AS3MT: variants seen among roughly 807,000 people sequenced by gnomAD.
The protein encoded by AS3MT is S-adenosyl-L-methionine:arsenic(III) methyltransferase.
AS3MT carries 47 observed loss-of-function variants against 45.3 expected under a neutral mutation model. That is an observed-to-expected ratio of 1.04 (90% CI 0.82 to 1.32). AS3MT has a LOEUF of 1.32. Ranked by LOEUF, AS3MT falls within the 40% of genes most tolerant of loss-of-function variation. AS3MT has a pLI of 0.00. For missense variants in AS3MT, 396 were observed against 451.1 expected (o/e 0.88, Z 1.11); for synonymous variants, 141 against 152.8 (o/e 0.92, Z 0.57).
At chr10:102,896,883 T>G (rs1845182320) in intron 10 of AS3MT, among the ~76,000 whole-genome samples, 1 of 152,120 alleles carries the variant, frequency 6.6e-6, no homozygotes, top group Admixed American at 6.6e-5. Context: ...CTGACTCTTC[T>G]GTTGTTCGAA....
intron 10 of AS3MT, among the ~76,000 whole-genome samples, chr10:102,895,748 C>T (rs925714954): frequency 6.6e-6 from 1 of 150,822 alleles, no homozygotes; most frequent in East Asian, 2.0e-4. Context: ...AAAACAAAAA[C>T]AAATAAACAA....
At chr10:102,883,114 T>C (rs1226471859) in intron 9 of AS3MT, among the ~76,000 whole-genome samples, 1 of 150,842 alleles carries the variant, frequency 6.6e-6, no homozygotes, top group Non-Finnish European at 1.5e-5. Flanking sequence ...GGTTTTTTTT[T>C]TTTTGAGATG....
Position 102,900,854 on chromosome 10 carries a change from CAGG to C in AS3MT, c.*155_*157del. 3.6e-6 allele frequency: 2 copies of C among 550,150 alleles called. No homozygotes were observed. Among genetic ancestry groups the C allele is most frequent in the African/African-American group, 1.9e-5 (1 of 52,686 alleles). 34.1% of individuals were successfully genotyped at this position (550,150 alleles called of 1,614,324 possible). ...ATCCCAGCACTTTGGGAGGCCGAGG[CAGG>C]CAGATCACCTGAGGTCAGGAGTTTG... On this transcript the variant is annotated 3_prime_UTR_variant, in exon 11 of 11. Coordinates refer to ENST00000369880, the MANE Select transcript of AS3MT (RefSeq NM_020682.4).
chr10:102,899,669 CT>C (rs538296715), intron 10 of AS3MT, among the ~76,000 whole-genome samples: 1,933 of 135,098 alleles, frequency 0.014, 10 homozygotes, highest in Non-Finnish European at 0.018. Flanking sequence ...CATGTTCATG[CT>C]TTTTTTTTTT....
intron 9 of AS3MT, among the ~76,000 whole-genome samples, chr10:102,879,563 C>T (rs1037558592): frequency 2.6e-5 from 4 of 151,756 alleles, no homozygotes; most frequent in East Asian, 3.9e-4. Context: ...GTCAGGAGTT[C>T]GAGACCAGCC....
At chr10:102,876,445 T>G (rs1207372642) in intron 6 of AS3MT, among the ~76,000 whole-genome samples, 1 of 151,698 alleles carries the variant, frequency 6.6e-6, no homozygotes, top group Non-Finnish European at 1.5e-5. Flanking sequence ...CCAGCTAGTT[T>G]TTAAATTTCT....
chr10:102,898,659 C>T (rs1040325260), intron 10 of AS3MT, among the ~76,000 whole-genome samples: 1 of 152,126 alleles, frequency 6.6e-6, no homozygotes, highest in Non-Finnish European at 1.5e-5. Context: ...TATGGACTGT[C>T]TTAATAGTAA....
chr10:102,891,758 G>C (rs1845073913), intron 10 of AS3MT, among the ~76,000 whole-genome samples: 1 of 151,896 alleles, frequency 6.6e-6, no homozygotes, highest in African/African-American at 2.4e-5. Flanking sequence ...CACCAGCCTG[G>C]GTAACATGTT....
intron 10 of AS3MT, 92 bp downstream of exon 10, chr10:102,890,770 G>A (rs1845057200): frequency 7.7e-7 from 1 of 1,301,068 alleles, no homozygotes; most frequent in South Asian, 1.5e-5. Flanking sequence ...GAGTGCAGTG[G>A]TGTGATCTTG....
At chr10:102,873,497 G>A (rs1844729861) in intron 5 of AS3MT, among the ~76,000 whole-genome samples, 1 of 152,062 alleles carries the variant, frequency 6.6e-6, no homozygotes, top group African/African-American at 2.4e-5. Context: ...TGTTGGCCAG[G>A]CTGGTCTCAA....
chr10:102,873,395 C>T (rs1169735752), intron 5 of AS3MT, among the ~76,000 whole-genome samples, 162 bp downstream of exon 5: 2 of 152,074 alleles, frequency 1.3e-5, no homozygotes, highest in African/African-American at 2.4e-5. Flanking sequence ...ATTCTCTTGC[C>T]TCAGCCTCTC....
chr10:102,869,472 A>AGGAGCTGGCTGCG lies in AS3MT; in HGVS notation c.-115_-103dup. On this transcript the variant is annotated 5_prime_UTR_variant, in exon 1 of 11. Coordinates refer to ENST00000369880, the MANE Select transcript of AS3MT (RefSeq NM_020682.4). ...GCCAGCCTGGGCGGGGCCTCGGCAC[A>AGGAGCTGGCTGCG]GGAGCTGGCTGCGGGAGCCCGCCGT... The AGGAGCTGGCTGCG allele has an allele frequency of 6.5e-7, 1 of 1,532,388 alleles. No homozygotes were observed. Among genetic ancestry groups the AGGAGCTGGCTGCG allele is most frequent in the Non-Finnish European group, 8.7e-7 (1 of 1,145,934 alleles). The allele number at this position is 1,532,388 out of a possible 1,614,324, so 94.9% of individuals were successfully genotyped here.
Position 102,878,464 on chromosome 10 carries a change from T to A in AS3MT, c.696T>A (p.Thr232=). 6.2e-7 allele frequency: 1 copy of A among 1,614,134 alleles called. No individual in the cohort carries two copies. Among genetic ancestry groups the A allele is most frequent in the Non-Finnish European group, 8.5e-7 (1 of 1,180,016 alleles). Reference sequence around the variant, plus strand: ...GGTTCTGCCCTCCACGTTTGGTCACTGCCAATCTCATTACAATTCAAAACA... The same window carrying A: ...GGTTCTGCCCTCCACGTTTGGTCACAGCCAATCTCATTACAATTCAAAACA... ...KIGFCPPRLV[T]ANLITIQNKE... Residue 232 remains threonine, a synonymous_variant, in exon 8 of 11, where the codon ACT becomes ACA. Transcript: ENST00000369880.
At chr10:102,885,996 G>C (rs1171318762) in intron 9 of AS3MT, among the ~76,000 whole-genome samples, 1 of 152,048 alleles carries the variant, frequency 6.6e-6, no homozygotes, top group African/African-American at 2.4e-5. Flanking sequence ...AGTCTGAATA[G>C]TATTCCAGTG....
chr10:102,870,005 G>T, intron 2 of AS3MT, 79 bp from the exon 3 acceptor site: 1 of 1,577,080 alleles, frequency 6.3e-7, no homozygotes, highest in Non-Finnish European at 8.6e-7. Context: ...GGAGGTGGAG[G>T]TGGTGACGGA....
intron 2 of AS3MT, 50 bp downstream of exon 2, chr10:102,869,895 A>G (rs778949095): frequency 8.7e-6 from 14 of 1,609,718 alleles, no homozygotes; most frequent in Non-Finnish European, 1.2e-5. Flanking sequence ...AGGCTAATGG[A>G]AGTCTGGCCT....
chr10:102,873,977 A>T (rs537942637), intron 5 of AS3MT, among the ~76,000 whole-genome samples: 1 of 152,070 alleles, frequency 6.6e-6, no homozygotes, highest in Non-Finnish European at 1.5e-5. Context: ...TGTGCCGGCC[A>T]GGTGCGGTGG....
At chr10:102,900,012 C>A (rs1845245585) in intron 10 of AS3MT, among the ~76,000 whole-genome samples, 2 of 152,180 alleles carry the variant, frequency 1.3e-5, no homozygotes, top group Middle Eastern at 3.4e-3. Flanking sequence ...TTTCTCTGGC[C>A]CCACTGGTAC....
chr10:102,870,350 A>C, intron 3 of AS3MT, 139 bp downstream of exon 3: 2 of 1,146,320 alleles, frequency 1.7e-6, no homozygotes, highest in Non-Finnish European at 2.5e-6. Context: ...CCTAAATCTC[A>C]GCACCCATCA....
Sources: allele counts gnomAD v4.1 joint callset (sites outside exome capture counted in the v4.1 genomes callset), GRCh38; gene constraint gnomAD v4.1.1; transcripts MANE v1.5; gene names NCBI Gene and HGNC (gene_info 2026-07-23, HGNC 2026-07-21).